The following TTN variants were observed in gnomAD, a reference collection of about 807,000 sequenced individuals.
The protein encoded by TTN is titin, also known as connectin.
Under a neutral mutation model 3,223.0 loss-of-function variants are expected in TTN, and 1,525 were observed. That is an observed-to-expected ratio of 0.47 (90% CI 0.45 to 0.49). TTN has a LOEUF of 0.49. Ranked by LOEUF, TTN falls within the 20% of genes least tolerant of loss-of-function variation. The pLI is 0.00. For synonymous variants in TTN, 14,094 were observed against 15,161.0 expected (o/e 0.93, Z 5.17); for missense variants, 40,786 against 43,424.0 (o/e 0.94, Z 5.40).
intron 119 of TTN, 77 bp from the exon 120 acceptor site, chr2:178,692,657 T>A: frequency 8.9e-7 from 1 of 1,119,074 alleles, no homozygotes; most frequent in Non-Finnish European, 1.2e-6. Flanking sequence ...TAGAATTAAA[T>A]AGAGATTCCC....
Position 178,584,975 on chromosome 2 carries a change from G to T in TTN, c.64673-7C>A. On this transcript the variant is annotated splice_polypyrimidine_tract_variant and splice_region_variant and intron_variant, in intron 309 of 362. Transcript: ENST00000589042. ...TGAGGGGGGCCGGGGGCATCTACAT[G>T]AACCAAGAGGAAAGAAATGTAAGAA... 6.2e-7 allele frequency: 1 copy of T among 1,610,122 alleles called. No homozygotes were observed. Among genetic ancestry groups the T allele is most frequent in the South Asian group, 1.1e-5 (1 of 90,106 alleles).
Position 178,554,213 on chromosome 2 carries a change from G to T in TTN, c.88898C>A (p.Thr29633Lys), listed in dbSNP as rs374868660. 1 of 1,582,172 alleles carries T rather than the reference G, an allele frequency of 6.3e-7. No individual in the cohort carries two copies. ...DSVVAKNAFV[T>K]PGPPGIPEVT... is the part of the protein sequence containing the mutation. ...TTCTGGTATGCCTGGTGGCCCAGGT[G>T]TAACTATTTAGAAAGGAAGGGAAAA... The change falls in exon 333 of 363, where the codon ACA (threonine) becomes AAA (lysine). Residue 29633 changes from threonine (T) to lysine (K), a missense_variant. Coordinates refer to ENST00000589042, the MANE Select transcript of TTN (RefSeq NM_001267550.2).
At chr2:178,678,588 A>G (rs1023035607) in intron 143 of TTN, 91 bp from the exon 144 acceptor site, 16 of 1,196,636 alleles carry the variant, frequency 1.3e-5, no homozygotes, top group Non-Finnish European at 1.6e-5. Context: ...AGGTAATAAA[A>G]GTATGACAAA....
chr2:178,537,551 A>C lies in TTN; in HGVS notation c.99656T>G (p.Met33219Arg). 6.2e-7 allele frequency: 1 copy of C among 1,613,806 alleles called. No individual in the cohort carries two copies. The highest frequency in any genetic ancestry group is 8.5e-7 in the Non-Finnish European group (1 of 1,179,766). ...AVGSTLRLHVMYIGRPVPAMT... is the reference protein window; with the variant it reads ...AVGSTLRLHVRYIGRPVPAMT... ...GGCAGGTACTGGACGACCAATGTAC[A>C]TAACATGAAGCCGAAGTGTGGAACC... The change falls in exon 355 of 363, where the codon ATG (methionine) becomes AGG (arginine). Residue 33219 changes from methionine to arginine, a missense_variant. Physicochemically the swap from Met to Arg is moderately conservative, Grantham distance 91 (BLOSUM62 -1). Transcript: ENST00000589042.
At chr2:178,687,998 C>T in intron 127 of TTN, 113 bp downstream of exon 127, 1 of 758,500 alleles carries the variant, frequency 1.3e-6, no homozygotes. Context: ...GGTAGATGTT[C>T]ACTGAATTTG....
At chr2:178,781,398 G>T in intron 20 of TTN, 135 bp from the exon 21 acceptor site, 1 of 971,294 alleles carries the variant, frequency 1.0e-6, no homozygotes, top group Non-Finnish European at 1.5e-6. Context: ...CTCCACAATA[G>T]ATTATAAGAT....
At position 178,541,318 on chromosome 2, in the gene TTN, G is replaced by A. The variant is rs1248688465; in HGVS notation, c.97759C>T (p.Arg32587Cys). Reference sequence around the variant, plus strand: ...ATGGCAACGATGGGTTTGGAAGGACGACTTGGTTTCCCAGACCCTCTTGCA... The same window carrying A: ...ATGGCAACGATGGGTTTGGAAGGACAACTTGGTTTCCCAGACCCTCTTGCA... ...INARGSGKPS[R>C]PSKPIVAMDP... Residue 32587 changes from arginine (R) to cysteine (C), a missense_variant, in exon 350 of 363, where the codon CGT (arginine) becomes TGT (cysteine). Physicochemically the swap from Arg to Cys is radical, Grantham distance 180. Coordinates refer to ENST00000589042, the MANE Select transcript of TTN (RefSeq NM_001267550.2). The A allele has an allele frequency of 5.2e-6, 8 of 1,548,652 alleles. No homozygotes were observed. In the Admixed American group the frequency reaches 7.7e-5, roughly 15 times the overall value.
At chr2:178,755,358 A>G (rs114826018) in intron 46 of TTN, among the ~76,000 whole-genome samples, 1,966 of 152,272 alleles carry the variant, frequency 0.013, 47 homozygotes, top group African/African-American at 0.045. Flanking sequence ...AAGCAGCATC[A>G]TTTATGGAGA....
At position 178,739,607 on chromosome 2, in the gene TTN, A is replaced by T; in HGVS notation, c.13626T>A (p.Ser4542Arg). The change falls in exon 48 of 363, where the codon AGT (serine) becomes AGA (arginine). Residue 4542 changes from serine (S) to arginine (R), a missense_variant. By Grantham distance (110) the Ser-to-Arg change is moderately radical. Transcript: ENST00000589042. ...TEEVSYFNVQ[S>R]RVKYLDATPV... ...GTGTGGCATCCAAATATTTAACCCT[A>T]CTTTGCACGTTAAAATAACTGACCT... is the stretch of plus-strand genomic sequence containing the variant. 1 of 1,613,816 alleles carries T rather than the reference A, an allele frequency of 6.2e-7. No individual in the cohort carries two copies. The highest frequency in any genetic ancestry group is 8.5e-7 in the Non-Finnish European group (1 of 1,179,836).
chr2:178,684,773 A>G lies in TTN; in HGVS notation c.32555-24T>C, dbSNP rs112303999. Reference sequence around the variant, plus strand: ...CACTTAAAAGATACCAGGCAATACCATCAAACATACGATATGGAAAACACT... The same window carrying G: ...CACTTAAAAGATACCAGGCAATACCGTCAAACATACGATATGGAAAACACT... On this transcript the variant is annotated intron_variant, in intron 130 of 362. Coordinates refer to ENST00000589042, the MANE Select transcript of TTN (RefSeq NM_001267550.2). The G allele has an allele frequency of 2.2e-3, 3,511 of 1,605,538 alleles. 52 individuals are homozygous for G. The highest frequency in any genetic ancestry group is 0.021 in the South Asian group (1,907 of 89,044).
chr2:178,682,901 C>T lies in TTN; in HGVS notation c.32890G>A (p.Val10964Ile), dbSNP rs2154272042. The change falls in exon 135 of 363, where the codon GTA (valine) becomes ATA (isoleucine). Residue 10964 changes from valine (V) to isoleucine (I), a missense_variant and splice_region_variant. Val to Ile is a conservative substitution (Grantham distance 29, BLOSUM62 3). Coordinates refer to ENST00000589042, the MANE Select transcript of TTN (RefSeq NM_001267550.2). Reference protein sequence around the residue: ...PKREPQPIKEVTIMEEKERAY... With the variant: ...PKREPQPIKEITIMEEKERAY... ...CTTTCTTTCTCTTCCATTATAGTTA[C>T]TTCTGAAACAATATTAACAACAGGC... 3 of 1,596,904 alleles carry T rather than the reference C, an allele frequency of 1.9e-6. No homozygotes were observed. Among genetic ancestry groups the T allele is most frequent in the East Asian group, 2.2e-5 (1 of 44,688 alleles).
chr2:178,634,648 G>A lies in TTN; in HGVS notation c.42152-19C>T, dbSNP rs770496883. On this transcript the variant is annotated intron_variant, in intron 229 of 362. Coordinates refer to ENST00000589042, the MANE Select transcript of TTN (RefSeq NM_001267550.2). This position sits in a 1 kb window ranked among gnomAD's most constrained non-coding sequence, Gnocchi z 4.6. ...TCGATTTCTGAAAATCAGACATTAA[G>A]AATGAGGCTTTTCAGAATGCACAGG... 2 of 1,612,388 alleles carry A rather than the reference G, an allele frequency of 1.2e-6. No individual in the cohort carries two copies. Among genetic ancestry groups the A allele is most frequent in the Non-Finnish European group, 1.7e-6 (2 of 1,179,332 alleles).
Position 178,574,189 on chromosome 2 carries a change from C to G in TTN, c.71943G>C (p.Glu23981Asp). 1 of 1,613,554 alleles carries G rather than the reference C, an allele frequency of 6.2e-7. No individual in the cohort carries two copies. Among genetic ancestry groups the G allele is most frequent in the East Asian group, 2.2e-5 (1 of 44,754 alleles). ...TTAGGCCACTGACTGTAAATTCATT[C>G]TCCAAAATGTTGCTGAAGTTGGCCT... The part of the protein sequence containing the change: ...WLKANFSNIL[E>D]NEFTVSGLTE... The change falls in exon 326 of 363, where the codon GAG (glutamate) becomes GAC (aspartate). Residue 23981 changes from glutamate (E) to aspartate (D), a missense_variant. Transcript: ENST00000589042.
chr2:178,583,561 A>C, intron 312 of TTN, 46 bp downstream of exon 312: 1 of 1,473,394 alleles, frequency 6.8e-7, no homozygotes. Flanking sequence ...AATGACCATC[A>C]TGAATGCTGT....
intron 88 of TTN, 127 bp downstream of exon 88, chr2:178,716,968 C>CACTTG: frequency 9.6e-7 from 1 of 1,037,168 alleles, no homozygotes; most frequent in Non-Finnish European, 1.3e-6. Context: ...GTCCTTGATC[C>CACTTG]ACTTGATCCA....
rs1416386473 is a variant in TTN, at chr2:178,601,549, G to A, written c.55448C>T (p.Pro18483Leu). Residue 18483 changes from proline to leucine, a missense_variant, in exon 287 of 363, where the codon CCC becomes CTC. Coordinates refer to ENST00000589042, the MANE Select transcript of TTN (RefSeq NM_001267550.2). ...GATATCACTGACTTTCAGATCTTTG[G>A]GTGGGCCTGGTACATCTGTTGGATG... ...RVKVMDVPGPPKDLKVSDITR... is the reference protein window; with the variant it reads ...RVKVMDVPGPLKDLKVSDITR... 3 of 1,611,342 alleles carry A rather than the reference G, an allele frequency of 1.9e-6. No homozygotes were observed. The highest frequency in any genetic ancestry group is 2.7e-5 in the African/African-American group (2 of 74,898).
Position 178,669,691 on chromosome 2 carries a change from T to G in TTN, c.35387-16A>C, listed in dbSNP as rs747317558. ...ACTTCGGGTGCTTTAAAGATATTTA[T>G]TTATCTTATTTTTTCAGAACATTAT... On this transcript the variant is annotated splice_polypyrimidine_tract_variant and intron_variant, in intron 157 of 362. Coordinates refer to ENST00000589042, the MANE Select transcript of TTN (RefSeq NM_001267550.2). 6.2e-7 allele frequency: 1 copy of G among 1,607,466 alleles called. No individual in the cohort carries two copies. The highest frequency in any genetic ancestry group is 8.5e-7 in the Non-Finnish European group (1 of 1,175,996).
Position 178,617,530 on chromosome 2 carries a change from G to A in TTN, c.47573-18C>T. On this transcript the variant is annotated intron_variant, in intron 253 of 362. Coordinates refer to ENST00000589042, the MANE Select transcript of TTN (RefSeq NM_001267550.2). The stretch of plus-strand genomic sequence containing the variant: ...TGGTCTCTCTGGAATAAAAGAAGGA[G>A]TTGGAGCATACCATTTACGTTAGTG... 6.4e-7 allele frequency: 1 copy of A among 1,565,760 alleles called. No individual in the cohort carries two copies.
At position 178,552,237 on chromosome 2, in the gene TTN, G is replaced by C. The variant is rs1262997857; in HGVS notation, c.90663C>G (p.Thr30221=). The change falls in exon 335 of 363, where the codon ACC becomes ACG. Residue 30221 remains threonine, a synonymous_variant. Transcript: ENST00000589042. ...CRIAVPITVI[T]LGPPSKPKGP... ...CTTTGGGCTTTGATGGTGGGCCAAG[G>C]GTGATGACTGTAATGGGGACTGCAA... is the stretch of plus-strand genomic sequence containing the variant. The C allele has an allele frequency of 2.5e-6, 4 of 1,613,346 alleles. No individual in the cohort carries two copies. Among genetic ancestry groups the C allele is most frequent in the Non-Finnish European group, 3.4e-6 (4 of 1,179,588 alleles).
Sources: gnomAD v4.1 joint callset for allele counts (sites outside exome capture counted in the v4.1 genomes callset) on GRCh38, gnomAD v4.1.1 for gene constraint, Gnocchi (gnomAD v3.1) non-coding constraint, MANE v1.5 for transcripts, NCBI Gene and HGNC (gene_info 2026-07-23, HGNC 2026-07-21) for gene names.